Variants in FRY observed in about 807,000 individuals in gnomAD.
FRY encodes the protein FRY microtubule binding protein.
In FRY, 128 loss-of-function variants were observed where a neutral mutation model predicts 348.4. The observed-to-expected ratio is 0.37, with a 90% CI of 0.32 to 0.43. The LOEUF is 0.43. Among genes scored for constraint, FRY ranks in the 20% least tolerant of loss-of-function variants. FRY has a pLI of 1.00. For synonymous variants in FRY, 1,370 were observed against 1,374.7 expected (o/e 1.00, Z 0.08); for missense variants, 2,736 against 3,695.2 (o/e 0.74, Z 6.73).
At chr13:32,196,065 T>A (rs920976155) in intron 29 of FRY, among the ~76,000 whole-genome samples, 1 of 152,210 alleles carries the variant, frequency 6.6e-6, no homozygotes, top group East Asian at 1.9e-4. Flanking sequence ...AGTACTTTTT[T>A]ACAAAACCAA....
chr13:32,278,634 G>A, intron 58 of FRY, 86 bp downstream of exon 58: 2 of 808,722 alleles, frequency 2.5e-6, no homozygotes, highest in South Asian at 2.7e-5. Flanking sequence ...TGGAACTTGA[G>A]AAAAGAAGAG....
intron 8 of FRY, among the ~76,000 whole-genome samples, chr13:32,134,400 A>G (rs1879572693): frequency 1.3e-5 from 2 of 152,264 alleles, no homozygotes; most frequent in Admixed American, 6.5e-5. Context: ...TAATAAACAC[A>G]CCTAAAATGT....
At chr13:32,142,542 T>G (rs561057460) in intron 11 of FRY, among the ~76,000 whole-genome samples, 1 of 152,208 alleles carries the variant, frequency 6.6e-6, no homozygotes, top group East Asian at 1.9e-4. Flanking sequence ...GAGCAATTTA[T>G]TGGGCCTTCC....
intron 28 of FRY, among the ~76,000 whole-genome samples, chr13:32,188,573 A>G (rs1372777634): frequency 1.3e-5 from 2 of 152,138 alleles, no homozygotes; most frequent in Non-Finnish European, 2.9e-5. Flanking sequence ...ACACTCTTAT[A>G]ATAGCAGATG....
chr13:32,195,833 C>T (rs947703004), intron 29 of FRY, among the ~76,000 whole-genome samples: 1 of 152,148 alleles, frequency 6.6e-6, no homozygotes, highest in Non-Finnish European at 1.5e-5. Flanking sequence ...ATTCATGACA[C>T]TCATCTATTC....
chr13:32,127,793 A>C (rs1365028779), intron 7 of FRY, among the ~76,000 whole-genome samples: 2 of 152,170 alleles, frequency 1.3e-5, no homozygotes, highest in Non-Finnish European at 2.9e-5. Flanking sequence ...AAAAAAGTAA[A>C]AGATAGACGT....
chr13:32,034,753 A>T (rs1343004382), intron 1 of FRY, among the ~76,000 whole-genome samples: 1 of 151,960 alleles, frequency 6.6e-6, no homozygotes, highest in Non-Finnish European at 1.5e-5. Context: ...GCCACTCAGG[A>T]CCCTCTTTGA....
Position 32,259,060 on chromosome 13 carries a change from G to A in FRY, c.7417-2556G>A, listed in dbSNP as rs149871934. 4.2e-3 allele frequency among the ~76,000 whole-genome samples: 642 copies of A among 152,316 alleles called. 2 individuals are homozygous for A. Among genetic ancestry groups the A allele is most frequent in the African/African-American group, 0.015 (604 of 41,556 alleles). On this transcript the variant is annotated intron_variant, in intron 51 of 60. Coordinates refer to ENST00000542859, the MANE Select transcript of FRY (RefSeq NM_023037.3). Reference sequence around the variant, plus strand: ...AGTGTAAACCCTCAGTGGTTTTTAAGTTTGAACTGACATATACAGAGTGTT... The same window carrying A: ...AGTGTAAACCCTCAGTGGTTTTTAAATTTGAACTGACATATACAGAGTGTT...
At chr13:32,123,576 G>C (rs1878817877) in intron 4 of FRY, among the ~76,000 whole-genome samples, 1 of 152,134 alleles carries the variant, frequency 6.6e-6, no homozygotes, top group Non-Finnish European at 1.5e-5. Context: ...ACATTGTTTA[G>C]CTCCTTTCAC....
chr13:32,060,860 C>A, intron 1 of FRY: 1 of 310,530 alleles, frequency 3.2e-6, no homozygotes, highest in East Asian at 8.0e-5. Context: ...AAAAATTGTC[C>A]CATTGGTATG....
chr13:32,239,812 T>A lies in FRY; in HGVS notation c.6618T>A (p.Asn2206Lys). Residue 2206 changes from asparagine (N) to lysine (K), a missense_variant, in exon 46 of 61, where the codon AAT (asparagine) becomes AAA (lysine). Coordinates refer to ENST00000542859, the MANE Select transcript of FRY (RefSeq NM_023037.3). This position sits in a 1 kb window ranked among gnomAD's most constrained non-coding sequence, Gnocchi z 4.3. ...CGAGGGACTGTGCCACGTGGGTCAA[T>A]GTGGTCTGTCGATACCTTCATGAAG... ...SYTRDCATWVNVVCRYLHEAY... is the reference protein window; with the variant it reads ...SYTRDCATWVKVVCRYLHEAY... The A allele has an allele frequency of 6.2e-7, 1 of 1,613,890 alleles. No individual in the cohort carries two copies. The highest frequency in any genetic ancestry group is 8.5e-7 in the Non-Finnish European group (1 of 1,179,726).
In FRY at chr13:32,185,054, C is replaced by T. The variant is rs1488881147; in HGVS notation, c.3225C>T (p.Leu1075=). 9 of 1,613,664 alleles carry T rather than the reference C, an allele frequency of 5.6e-6. No individual in the cohort carries two copies. The highest frequency in any genetic ancestry group is 2.2e-5 in the East Asian group (1 of 44,888). The part of the protein sequence containing the change: ...FLEYVDLTRM[L]LEAENDKEVE... ...AATATGTGGACTTGACCCGCATGCT[C>T]CTAGAAGCTGAAAATGACAAAGAAG... The change falls in exon 26 of 61, where the codon CTC becomes CTT. Residue 1075 remains leucine, a synonymous_variant. Transcript: ENST00000542859.
rs912410355 is a variant in FRY at position 32,068,582 on chromosome 13, T to C, written c.71-10252T>C. On this transcript the variant is annotated intron_variant, in intron 1 of 60. Coordinates refer to ENST00000542859, the MANE Select transcript of FRY (RefSeq NM_023037.3). ...GGAAATCACTGAAGTGTTACTGTCATATCTCTCAGATAAAATACTGGAAGG... is the reference window on the plus strand; with the variant it reads ...GGAAATCACTGAAGTGTTACTGTCACATCTCTCAGATAAAATACTGGAAGG... Among the ~76,000 whole-genome samples the C allele has an allele frequency of 3.3e-5, 5 of 152,366 alleles. No individual in the cohort carries two copies. In the South Asian group the frequency reaches 1.0e-3, roughly 32 times the overall value.
chr13:32,072,893 A>G (rs1447084396), intron 1 of FRY, among the ~76,000 whole-genome samples: 1 of 152,216 alleles, frequency 6.6e-6, no homozygotes, highest in Non-Finnish European at 1.5e-5. Context: ...AAATCTCATA[A>G]TTTACTCCTT....
rs78557124 is a variant in FRY at position 32,220,516 on chromosome 13, T to C, written c.4765+1685T>C. Among the ~76,000 whole-genome samples, 3 of 152,248 alleles carry C rather than the reference T, an allele frequency of 2.0e-5. No individual in the cohort carries two copies. In the South Asian group the frequency reaches 6.2e-4, roughly 31 times the overall value. ...ACTGAATAGTCAAATCTCAGTACCA[T>C]AGGCCGTTACTTCTAGAAGGCACCA... On this transcript the variant is annotated intron_variant, in intron 36 of 60. Coordinates refer to ENST00000542859, the MANE Select transcript of FRY (RefSeq NM_023037.3).
In FRY at chr13:32,147,154, T is replaced by A. The variant is rs1880508010; in HGVS notation, c.1180-128T>A. 25 of 669,198 alleles carry A rather than the reference T, an allele frequency of 3.7e-5. No homozygotes were observed. The South Asian group carries it at 3.8e-4, about 10-fold the overall frequency. The allele number at this position is 669,198 out of a possible 1,614,324, so 41.5% of individuals were successfully genotyped here. On this transcript the variant is annotated intron_variant, in intron 11 of 60. Coordinates refer to ENST00000542859, the MANE Select transcript of FRY (RefSeq NM_023037.3). ...ACTCTGTAAGTCCCAGGTGATGCAATGTGTCTCATAAGTACCCAGCCATCC... is the reference window on the plus strand; with the variant it reads ...ACTCTGTAAGTCCCAGGTGATGCAAAGTGTCTCATAAGTACCCAGCCATCC...
chr13:32,229,491 C>T (rs1885792449), intron 40 of FRY, among the ~76,000 whole-genome samples: 1 of 152,222 alleles, frequency 6.6e-6, no homozygotes, highest in Admixed American at 6.5e-5. Flanking sequence ...GTGCAGCTCT[C>T]AACTTAATGT....
intron 54 of FRY, among the ~76,000 whole-genome samples, chr13:32,266,407 C>T (rs1200146833): frequency 6.6e-6 from 1 of 152,178 alleles, no homozygotes; most frequent in Non-Finnish European, 1.5e-5. Context: ...TCTCCCTCCA[C>T]CTTTGTCTTC....
At chr13:32,175,316 A>G (rs1882302042) in intron 19 of FRY, among the ~76,000 whole-genome samples, 1 of 152,198 alleles carries the variant, frequency 6.6e-6, no homozygotes, top group Non-Finnish European at 1.5e-5. Context: ...TCTTTTCAGT[A>G]CAATGTGAAA....
Sources: allele counts gnomAD v4.1 joint callset (sites outside exome capture counted in the v4.1 genomes callset), GRCh38; gene constraint gnomAD v4.1.1; non-coding constraint Gnocchi (gnomAD v3.1); transcripts MANE v1.5; gene names NCBI Gene and HGNC (gene_info 2026-07-23, HGNC 2026-07-21).